DLGAP1: variants seen among roughly 807,000 people sequenced by gnomAD.
The protein encoded by DLGAP1 is disks large-associated protein 1.
Under a neutral mutation model 90.8 loss-of-function variants are expected in DLGAP1, and 11 were observed. That is an observed-to-expected ratio of 0.12 (90% CI 0.08 to 0.20). The LOEUF is 0.20. Among genes scored for constraint, DLGAP1 ranks in the 10% least tolerant of loss-of-function variants. The pLI, the probability that DLGAP1 is intolerant of heterozygous loss-of-function variation, is 1.00. For missense variants in DLGAP1, 1,050 were observed against 1,333.8 expected (o/e 0.79, Z 3.31); for synonymous variants, 558 against 540.7 (o/e 1.03, Z -0.44).
intron 2 of DLGAP1, among the ~76,000 whole-genome samples, chr18:4,082,112 G>A (rs1218943019): frequency 6.6e-6 from 1 of 151,970 alleles, no homozygotes; most frequent in Non-Finnish European, 1.5e-5. Flanking sequence ...AGGCTAAGGC[G>A]AGTGGATTGC....
At chr18:3,527,759 TAAA>T (rs973675612) in intron 10 of DLGAP1, among the ~76,000 whole-genome samples, 2 of 151,826 alleles carry the variant, frequency 1.3e-5, no homozygotes, top group Non-Finnish European at 2.9e-5. Flanking sequence ...CCTGCCTAAT[TAAA>T]AAAATATATA....
chr18:4,137,327 TA>T (rs1228442883), intron 2 of DLGAP1, among the ~76,000 whole-genome samples: 1 of 152,162 alleles, frequency 6.6e-6, no homozygotes, highest in African/African-American at 2.4e-5. Context: ...GGTCTTGTTT[TA>T]TTCTTCTGCA....
At chr18:3,581,650 A>T (rs1373268180) in intron 8 of DLGAP1, among the ~76,000 whole-genome samples, 1 of 139,796 alleles carries the variant, frequency 7.2e-6, no homozygotes, top group Non-Finnish European at 1.5e-5. Flanking sequence ...CAAATAAAAA[A>T]ATCTTCTCAC....
intron 4 of DLGAP1, among the ~76,000 whole-genome samples, chr18:3,826,890 C>G (rs1363909726): frequency 6.6e-6 from 1 of 152,070 alleles, no homozygotes; most frequent in Non-Finnish European, 1.5e-5. Flanking sequence ...CAGGGCAGAG[C>G]AGCGGTGGAG....
chr18:4,398,690 T>C (rs2082489302), intron 1 of DLGAP1, among the ~76,000 whole-genome samples: 1 of 152,226 alleles, frequency 6.6e-6, no homozygotes, highest in African/African-American at 2.4e-5. Context: ...TGTTGTCCCT[T>C]TGCTTTCATC....
intron 6 of DLGAP1, among the ~76,000 whole-genome samples, chr18:3,740,993 A>G (rs1164829964): frequency 1.8e-5 from 2 of 109,610 alleles, no homozygotes; most frequent in African/African-American, 3.6e-5. Context: ...CACCACCACC[A>G]TCACCTCACC....
At chr18:4,100,884 C>T (rs187272801) in intron 2 of DLGAP1, among the ~76,000 whole-genome samples, 2 of 152,296 alleles carry the variant, frequency 1.3e-5, no homozygotes, top group Admixed American at 1.3e-4. Context: ...CTCTTTCAGC[C>T]TTTATAGAAT....
intron 1 of DLGAP1, among the ~76,000 whole-genome samples, chr18:4,265,726 T>C (rs2079116777): frequency 6.9e-6 from 1 of 145,092 alleles, no homozygotes; most frequent in Admixed American, 7.0e-5. Flanking sequence ...GTCTCACTGT[T>C]GCTCAGGCTG....
chr18:4,008,897 C>A (rs2074359335), intron 2 of DLGAP1, among the ~76,000 whole-genome samples: 2 of 152,036 alleles, frequency 1.3e-5, no homozygotes, highest in African/African-American at 2.4e-5. Context: ...GGAGTGACAG[C>A]CACCGAGTCT....
intron 1 of DLGAP1, among the ~76,000 whole-genome samples, chr18:4,328,423 C>T (rs1485656132): frequency 6.6e-6 from 1 of 151,906 alleles, no homozygotes; most frequent in African/African-American, 2.4e-5. Flanking sequence ...TATCTGTATT[C>T]CATGATTTGC....
intron 7 of DLGAP1, among the ~76,000 whole-genome samples, chr18:3,643,295 C>A (rs2059003709): frequency 1.3e-5 from 2 of 151,960 alleles, no homozygotes; most frequent in Admixed American, 1.3e-4. Context: ...AAAAGTAAAT[C>A]AAAACCAAAG....
At chr18:4,201,311 T>C (rs1023833007) in intron 1 of DLGAP1, among the ~76,000 whole-genome samples, 2 of 152,232 alleles carry the variant, frequency 1.3e-5, no homozygotes, top group African/African-American at 2.4e-5. Context: ...TGTTGAGAAA[T>C]AGGGATGCAG....
At chr18:4,398,958 A>C (rs1264473589) in intron 1 of DLGAP1, among the ~76,000 whole-genome samples, 2 of 152,124 alleles carry the variant, frequency 1.3e-5, no homozygotes, top group Non-Finnish European at 1.5e-5. Context: ...CAGCCTCCCA[A>C]GTAGCTGGGA....
chr18:3,729,747 A>G lies in DLGAP1; in HGVS notation c.1351-372T>C, dbSNP rs1415783671. Among the ~76,000 whole-genome samples the G allele has an allele frequency of 2.6e-5, 4 of 152,196 alleles. No individual in the cohort carries two copies. The highest frequency in any genetic ancestry group is 2.6e-4 in the Admixed American group (4 of 15,286). ...AAAGAAAAAAGGGCACCGTTTGTAGAACGCAAGGAAATGTGGGGCTTATTC... is the reference window on the plus strand; with the variant it reads ...AAAGAAAAAAGGGCACCGTTTGTAGGACGCAAGGAAATGTGGGGCTTATTC... On this transcript the variant is annotated intron_variant, in intron 6 of 12. Coordinates refer to ENST00000315677, the MANE Select transcript of DLGAP1 (RefSeq NM_004746.4). This position sits in a 1 kb window ranked among gnomAD's most constrained non-coding sequence, Gnocchi z 6.2.
At chr18:3,527,750 C>T (rs2051739570) in intron 10 of DLGAP1, among the ~76,000 whole-genome samples, 1 of 151,928 alleles carries the variant, frequency 6.6e-6, no homozygotes. Flanking sequence ...GCCACCAAGC[C>T]TGCCTAATTA....
intron 1 of DLGAP1, among the ~76,000 whole-genome samples, chr18:4,262,312 C>T (rs2079019086): frequency 1.3e-5 from 2 of 152,112 alleles, no homozygotes; most frequent in South Asian, 4.2e-4. Flanking sequence ...AATTCCCGGG[C>T]AGTCCCTGTG....
intron 3 of DLGAP1, among the ~76,000 whole-genome samples, chr18:3,963,082 C>T (rs1410121370): frequency 6.6e-6 from 1 of 152,132 alleles, no homozygotes; most frequent in African/African-American, 2.4e-5. Flanking sequence ...TCTCTTCTGT[C>T]TGCCTTCTAT....
At chr18:4,269,664 ATTATT>A (rs2079229839) in intron 1 of DLGAP1, among the ~76,000 whole-genome samples, 1 of 152,144 alleles carries the variant, frequency 6.6e-6, no homozygotes, top group Admixed American at 6.5e-5. Flanking sequence ...ATATTCTATT[ATTATT>A]TTATTTTCAC....
At chr18:4,191,597 C>G (rs2077400774) in intron 1 of DLGAP1, among the ~76,000 whole-genome samples, 2 of 152,162 alleles carry the variant, frequency 1.3e-5, no homozygotes, top group African/African-American at 4.8e-5. Flanking sequence ...CTCACCTAAG[C>G]ACAATCTGAT....
Sources: allele counts gnomAD v4.1 joint callset (sites outside exome capture counted in the v4.1 genomes callset), GRCh38; gene constraint gnomAD v4.1.1; non-coding constraint Gnocchi (gnomAD v3.1); transcripts MANE v1.5; gene names NCBI Gene and HGNC (gene_info 2026-07-23, HGNC 2026-07-21).